The following KDM4B variants were observed in gnomAD, a reference collection of about 807,000 sequenced individuals.
KDM4B encodes the protein lysine demethylase 4B, also known as lysine-specific demethylase 4B.
Under a neutral mutation model 125.2 loss-of-function variants are expected in KDM4B, and 32 were observed. That is an observed-to-expected ratio of 0.26 (90% confidence interval 0.19 to 0.34). The LOEUF is 0.34. Ranked by LOEUF, KDM4B falls within the 10% of genes least tolerant of loss-of-function variation. KDM4B has a pLI of 1.00. For missense variants in KDM4B, 1,190 were observed against 1,577.7 expected, an observed-to-expected ratio of 0.75 and a Z score of 4.16; for synonymous variants, 721 against 677.9, an observed-to-expected ratio of 1.06 and a Z score of -0.99.
intron 9 of KDM4B, among the ~76,000 whole-genome samples, chr19:5,084,389 A>G (rs2038405179): frequency 2.1e-5 from 3 of 143,472 alleles, no homozygotes; most frequent in African/African-American, 5.1e-5. Context: ...TTGTATATTT[A>G]TATAAAATAA....
At chr19:4,998,235 C>T (rs755260074) in intron 1 of KDM4B, among the ~76,000 whole-genome samples, 7 of 152,228 alleles carry the variant, frequency 4.6e-5, no homozygotes, top group Non-Finnish European at 7.3e-5. Flanking sequence ...GTGGGCTGCA[C>T]CTCCCTTTGT....
intron 7 of KDM4B, among the ~76,000 whole-genome samples, chr19:5,072,573 A>C (rs1317022730): frequency 1.3e-5 from 2 of 152,230 alleles, no homozygotes; most frequent in Non-Finnish European, 2.9e-5. Flanking sequence ...CTGTGAAAGA[A>C]AAGCTAGATT....
intron 16 of KDM4B, 29 bp downstream of exon 16, chr19:5,137,367 G>A: frequency 6.5e-7 from 1 of 1,541,458 alleles, no homozygotes. Context: ...CGGGGGTGGT[G>A]CTCTGAGAGG....
Position 5,115,421 on chromosome 19 carries a change from G to A in KDM4B, c.1116-4232G>A, listed in dbSNP as rs1370638653. Among the ~76,000 whole-genome samples the A allele has an allele frequency of 6.6e-6, 1 of 152,140 alleles. No homozygotes were observed. The highest frequency in any genetic ancestry group is 1.5e-5 in the Non-Finnish European group (1 of 68,008). Reference sequence around the variant, plus strand: ...GCCAGGAGAGACAATAGAGGGGGTGGGGGTCCTCTGCCAGAGAACAAAGGG... The same window carrying A: ...GCCAGGAGAGACAATAGAGGGGGTGAGGGTCCTCTGCCAGAGAACAAAGGG... On this transcript the variant is annotated intron_variant, in intron 10 of 22. Transcript: ENST00000159111. This position sits in a 1 kb window ranked among gnomAD's most constrained non-coding sequence, Gnocchi z 4.2.
In KDM4B at chr19:5,035,220, A is replaced by G. The variant is rs982244299; in HGVS notation, c.141+2189A>G. The stretch of plus-strand genomic sequence containing the variant: ...CCCTGGTGCACATAGGGCAGGTGGG[A>G]CAGGCGTCGCCTCCCTTTATCCTGG... On this transcript the variant is annotated intron_variant, in intron 3 of 22. Transcript: ENST00000159111. This position sits in a 1 kb window ranked among gnomAD's most constrained non-coding sequence, Gnocchi z 5.3. Among the ~76,000 whole-genome samples, 1 of 152,012 alleles carries G rather than the reference A, an allele frequency of 6.6e-6. No individual in the cohort carries two copies. Among genetic ancestry groups the G allele is most frequent in the Non-Finnish European group, 1.5e-5 (1 of 67,982 alleles).
At chr19:5,009,455 G>A (rs10407399) in intron 1 of KDM4B, among the ~76,000 whole-genome samples, 1 of 152,004 alleles carries the variant, frequency 6.6e-6, no homozygotes, top group Non-Finnish European at 1.5e-5. Context: ...TGTCCACTTG[G>A]TTTCTGATCA....
intron 11 of KDM4B, among the ~76,000 whole-genome samples, chr19:5,126,048 C>G (rs1438078044): frequency 6.6e-6 from 1 of 152,210 alleles, no homozygotes; most frequent in African/African-American, 2.4e-5. Context: ...GTTTCACGCC[C>G]CTAAAAGCTA....
At chr19:5,117,516 A>G (rs2039280121) in intron 10 of KDM4B, among the ~76,000 whole-genome samples, 1 of 152,126 alleles carries the variant, frequency 6.6e-6, no homozygotes, top group African/African-American at 2.4e-5. Context: ...TTGGGATGAC[A>G]GTGGTGACAA....
intron 11 of KDM4B, among the ~76,000 whole-genome samples, chr19:5,129,024 G>A (rs1295506257): frequency 1.3e-5 from 2 of 152,208 alleles, no homozygotes; most frequent in Admixed American, 6.5e-5. Flanking sequence ...GAATGCTCAG[G>A]ACTAGCAGGG....
At chr19:5,087,118 C>T (rs2620797) in intron 9 of KDM4B, among the ~76,000 whole-genome samples, 7,029 of 152,310 alleles carry the variant, frequency 0.046, 211 homozygotes, top group Non-Finnish European at 0.068. Flanking sequence ...CAGCCCAGGC[C>T]GGCACTTGTG....
chr19:5,019,534 G>C (rs2036017158), intron 2 of KDM4B, among the ~76,000 whole-genome samples: 1 of 143,480 alleles, frequency 7.0e-6, no homozygotes, highest in Non-Finnish European at 1.5e-5. Flanking sequence ...GCACGTATTG[G>C]TGTGCAGGTG....
intron 12 of KDM4B, 45 bp downstream of exon 12, chr19:5,131,590 T>TG: frequency 1.2e-5 from 1 of 84,472 alleles, no homozygotes; most frequent in African/African-American, 1.0e-4. Context: ...GCAGGTGGGG[T>TG]GGGGCAGGGG....
chr19:5,008,566 C>T (rs1172241683), intron 1 of KDM4B, among the ~76,000 whole-genome samples: 2 of 151,650 alleles, frequency 1.3e-5, no homozygotes, highest in East Asian at 3.9e-4. Flanking sequence ...TGTTCCCTGC[C>T]TCCTTGTTTC....
chr19:5,019,269 G>A (rs1207373087), intron 2 of KDM4B, among the ~76,000 whole-genome samples: 1 of 144,206 alleles, frequency 6.9e-6, no homozygotes, highest in Non-Finnish European at 1.5e-5. Flanking sequence ...TGTTGGTGTG[G>A]ATGTTGGTGT....
intron 11 of KDM4B, among the ~76,000 whole-genome samples, chr19:5,122,968 A>G (rs1487500350): frequency 6.6e-6 from 1 of 152,248 alleles, no homozygotes; most frequent in Non-Finnish European, 1.5e-5. Context: ...GAAGTGGAGC[A>G]TTTGCAAACT....
chr19:5,119,356 T>C, intron 10 of KDM4B: 1 of 678,402 alleles, frequency 1.5e-6, no homozygotes, highest in East Asian at 2.7e-5. Flanking sequence ...TCATCCCACC[T>C]GGTGTCAGTC....
chr19:5,119,361 T>A, intron 10 of KDM4B: 1 of 666,720 alleles, frequency 1.5e-6, no homozygotes, highest in Non-Finnish European at 2.6e-6. Flanking sequence ...CCACCTGGTG[T>A]CAGTCGGCTT....
intron 2 of KDM4B, 131 bp from the exon 3 acceptor site, chr19:5,032,735 C>T (rs968778760): frequency 7.7e-6 from 6 of 781,758 alleles, no homozygotes; most frequent in Admixed American, 5.5e-5. Flanking sequence ...CACTCAGCCG[C>T]GAGGGCCCAG....
intron 5 of KDM4B, among the ~76,000 whole-genome samples, chr19:5,044,779 A>C (rs2036971736): frequency 6.7e-6 from 1 of 148,416 alleles, no homozygotes; most frequent in African/African-American, 2.5e-5. Context: ...CCTGCGCCCC[A>C]GGCAACCACT....
Sources: allele counts gnomAD v4.1 joint callset (sites outside exome capture counted in the v4.1 genomes callset), GRCh38; gene constraint gnomAD v4.1.1; non-coding constraint Gnocchi (gnomAD v3.1); transcripts MANE v1.5; gene names NCBI Gene and HGNC (gene_info 2026-07-23, HGNC 2026-07-21).